Variants in STK3 observed in about 807,000 individuals in gnomAD.
The protein encoded by STK3 is serine/threonine-protein kinase 3.
STK3 carries 41 observed loss-of-function variants against 58.0 expected under a neutral mutation model. That is an observed-to-expected ratio of 0.71 (90% CI 0.55 to 0.92). The LOEUF (loss-of-function observed/expected upper bound fraction) is 0.92, where lower values mean the gene tolerates loss of function less well. Ranked by LOEUF, STK3 falls within the 40% of genes least tolerant of loss-of-function variation. The pLI is 0.00. For missense variants in STK3, 479 were observed against 602.7 expected, an observed-to-expected ratio of 0.79 and a Z score of 2.15; for synonymous variants, 170 against 191.0, an observed-to-expected ratio of 0.89 and a Z score of 0.91.
chr8:98,536,225 G>T (rs920802418), intron 9 of STK3, among the ~76,000 whole-genome samples: 2 of 152,080 alleles, frequency 1.3e-5, no homozygotes, highest in Non-Finnish European at 2.9e-5. Flanking sequence ...TCCTGACTAG[G>T]GGTGAGAAAG....
intron 10 of STK3, among the ~76,000 whole-genome samples, chr8:98,515,687 C>T (rs972819359): frequency 6.6e-6 from 1 of 151,886 alleles, no homozygotes; most frequent in Admixed American, 6.6e-5. Context: ...TGCTCTACCA[C>T]CTACAAGCTA....
At chr8:98,470,561 A>G (rs1463967977) in intron 10 of STK3, among the ~76,000 whole-genome samples, 1 of 152,254 alleles carries the variant, frequency 6.6e-6, no homozygotes, top group African/African-American at 2.4e-5. Flanking sequence ...TGCTGGACCA[A>G]GCTGTCAAAA....
chr8:98,936,601 G>T (rs1450703354), intron 1 of STK3, among the ~76,000 whole-genome samples: 2 of 152,228 alleles, frequency 1.3e-5, no homozygotes, highest in Non-Finnish European at 2.9e-5. Context: ...TCAAGAGAAT[G>T]TGGTCAATGA....
intron 6 of STK3, among the ~76,000 whole-genome samples, chr8:98,657,145 A>G (rs986908424): frequency 2.0e-5 from 3 of 151,974 alleles, no homozygotes; most frequent in Non-Finnish European, 2.9e-5. Flanking sequence ...AATCTTCTAT[A>G]ATATATACAT....
intron 6 of STK3, among the ~76,000 whole-genome samples, chr8:98,638,867 A>C (rs1416588223): frequency 6.6e-6 from 1 of 152,170 alleles, no homozygotes; most frequent in Admixed American, 6.6e-5. Context: ...CTTGGAAATA[A>C]TGTTACAATG....
intron 1 of STK3, chr8:98,438,998 C>T (rs998544943): frequency 9.9e-5 from 15 of 152,172 alleles, no homozygotes; most frequent in African/African-American, 3.6e-4. Flanking sequence ...GTAGACATCA[C>T]TTCCACAGAG....
At chr8:98,491,197 G>C (rs13274771) in intron 10 of STK3, among the ~76,000 whole-genome samples, 139 of 132,572 alleles carry the variant, frequency 1.0e-3, no homozygotes, top group Non-Finnish European at 1.6e-3. Flanking sequence ...GAGAGAGAGA[G>C]AGACAGAGAG....
intron 9 of STK3, among the ~76,000 whole-genome samples, chr8:98,534,520 G>C (rs1563712709): frequency 6.6e-6 from 1 of 152,202 alleles, no homozygotes; most frequent in Non-Finnish European, 1.5e-5. Flanking sequence ...ATATTTCAAC[G>C]ATCAATAAAT....
intron 3 of STK3, among the ~76,000 whole-genome samples, chr8:98,856,764 T>C (rs1164472104): frequency 6.6e-6 from 1 of 152,214 alleles, no homozygotes; most frequent in Non-Finnish European, 1.5e-5. Context: ...CAAATGTTTG[T>C]AGCAGCATTA....
intron 7 of STK3, among the ~76,000 whole-genome samples, chr8:98,587,030 G>C (rs1295585245): frequency 6.6e-6 from 1 of 151,734 alleles, no homozygotes; most frequent in South Asian, 2.1e-4. Context: ...CAATTTTGTT[G>C]ATCCTTTCAA....
At chr8:98,738,046 T>C (rs1587466377) in intron 4 of STK3, among the ~76,000 whole-genome samples, 1 of 152,154 alleles carries the variant, frequency 6.6e-6, no homozygotes, top group Non-Finnish European at 1.5e-5. Context: ...TGCATTTAAA[T>C]ACAAAAAAGA....
chr8:98,453,141 G>A (rs866187789), downstream of STK3, among the ~76,000 whole-genome samples: 18 of 90,620 alleles, frequency 2.0e-4, 4 homozygotes, highest in South Asian at 3.1e-4. Context: ...AGGCTGGAGC[G>A]CAGTGGTGTG....
chr8:98,580,615 G>C (rs1813795676), intron 7 of STK3, among the ~76,000 whole-genome samples: 1 of 152,158 alleles, frequency 6.6e-6, no homozygotes, highest in Admixed American at 6.5e-5. Flanking sequence ...TGAGTTATTT[G>C]TTTATTTGTT....
the STK3 span, among the ~76,000 whole-genome samples, chr8:98,364,798 A>G: frequency 2.6e-5 from 4 of 152,184 alleles, no homozygotes; most frequent in East Asian, 7.7e-4. Flanking sequence ...AACGGGAGGC[A>G]CCCAGAAGAG....
intron 3 of STK3, among the ~76,000 whole-genome samples, chr8:98,762,057 A>T (rs531283026): frequency 4.0e-5 from 6 of 151,454 alleles, no homozygotes; most frequent in Non-Finnish European, 8.8e-5. Context: ...CTGAGGTATG[A>T]CCTCCCTGGG....
chr8:98,828,924 G>T (rs1835427143), upstream of STK3, among the ~76,000 whole-genome samples: 1 of 152,176 alleles, frequency 6.6e-6, no homozygotes. Context: ...ACCTTGCATA[G>T]CAAGTGCCTG....
intron 4 of STK3, chr8:98,722,820 T>C (rs775750993): frequency 2.2e-6 from 1 of 460,566 alleles, no homozygotes; most frequent in Non-Finnish European, 4.2e-6. Context: ...AGATTTATAC[T>C]GAAAACACCA....
At chr8:98,522,253 GC>G in intron 10 of STK3, among the ~76,000 whole-genome samples, 1 of 152,216 alleles carries the variant, frequency 6.6e-6, no homozygotes, top group East Asian at 1.9e-4. Context: ...GTAGAGTACT[GC>G]AATGGTCATT....
chr8:98,653,246 G>A (rs961316011), intron 6 of STK3, among the ~76,000 whole-genome samples: 14 of 152,218 alleles, frequency 9.2e-5, no homozygotes, highest in Admixed American at 2.0e-4. Context: ...GGTACATAAC[G>A]AAATGAAGGC....
Sources: allele counts gnomAD v4.1 joint callset (sites outside exome capture counted in the v4.1 genomes callset), GRCh38; gene constraint gnomAD v4.1.1; transcripts MANE v1.5; gene names NCBI Gene and HGNC (gene_info 2026-07-23, HGNC 2026-07-21).